The following SLC71A2 variants were observed in gnomAD, a reference collection of about 807,000 sequenced individuals.
SLC71A2 encodes the protein solute carrier family 71 member 2.
chr9:94,396,255 C>T, the SLC71A2 span, among the ~76,000 whole-genome samples: 1 of 150,806 alleles, frequency 6.6e-6, no homozygotes, highest in Non-Finnish European at 1.5e-5. Flanking sequence ...GTGGCTCACA[C>T]CTGTAATCCT....
chr9:94,386,739 A>G, the SLC71A2 span, among the ~76,000 whole-genome samples: 1 of 152,092 alleles, frequency 6.6e-6, no homozygotes, highest in Non-Finnish European at 1.5e-5. Context: ...AAGCTGGGAT[A>G]ATAGTACAGC....
At chr9:94,459,898 C>CTTT in the SLC71A2 span, 1 of 156,320 alleles carries the variant, frequency 6.4e-6, no homozygotes, top group Non-Finnish European at 1.4e-5. Context: ...AGTGGCCACT[C>CTTT]TTAAAGAGTC....
chr9:94,414,162 C>T, the SLC71A2 span, among the ~76,000 whole-genome samples: 1 of 152,146 alleles, frequency 6.6e-6, no homozygotes, highest in Non-Finnish European at 1.5e-5. Context: ...CAATTTGTAG[C>T]TCTTTGTTTT....
chr9:94,444,876 A>G, the SLC71A2 span: 1 of 1,222,154 alleles, frequency 8.2e-7, no homozygotes, highest in Non-Finnish European at 1.2e-6. Context: ...GAAGGTGTGC[A>G]CCTGCAGCAG....
At chr9:94,457,470 C>T in the SLC71A2 span, among the ~76,000 whole-genome samples, 82 of 149,082 alleles carry the variant, frequency 5.5e-4, no homozygotes, top group South Asian at 0.011. Context: ...TTTTCTATAT[C>T]AGAAGTTAGG....
chr9:94,460,972 G>C, the SLC71A2 span: 2 of 151,756 alleles, frequency 1.3e-5, no homozygotes, highest in Non-Finnish European at 2.9e-5. Context: ...TGGGTTCTCT[G>C]TTGGGTGGCT....
At chr9:94,444,813 G>GA in the SLC71A2 span, 12 of 639,044 alleles carry the variant, frequency 1.9e-5, no homozygotes, top group African/African-American at 2.2e-4. Flanking sequence ...TAAAGCCAGG[G>GA]AAGCATGGCT....
chr9:94,451,045 C>A, the SLC71A2 span, among the ~76,000 whole-genome samples: 1 of 152,104 alleles, frequency 6.6e-6, no homozygotes, highest in African/African-American at 2.4e-5. Context: ...TTGTCTTTTG[C>A]TTACATCATG....
At chr9:94,396,360 C>G in the SLC71A2 span, among the ~76,000 whole-genome samples, 5 of 152,076 alleles carry the variant, frequency 3.3e-5, no homozygotes, top group African/African-American at 1.2e-4. Context: ...TACTAAAATA[C>G]AAAAATTAGC....
the SLC71A2 span, among the ~76,000 whole-genome samples, chr9:94,437,610 T>G: frequency 6.6e-6 from 1 of 152,024 alleles, no homozygotes; most frequent in Non-Finnish European, 1.5e-5. Flanking sequence ...AGTTTTCTTT[T>G]GATCATTAAG....
the SLC71A2 span, chr9:94,459,390 G>C: frequency 8.1e-6 from 13 of 1,613,858 alleles, no homozygotes; most frequent in Non-Finnish European, 1.1e-5. Flanking sequence ...GAGGAGCCTG[G>C]GAATCAGTGC....
the SLC71A2 span, among the ~76,000 whole-genome samples, chr9:94,392,074 C>T: frequency 1.3e-5 from 2 of 151,262 alleles, no homozygotes; most frequent in Admixed American, 1.3e-4. Context: ...GTGAGAAAAT[C>T]TAGAGAGAGG....
chr9:94,401,088 CT>C, the SLC71A2 span, among the ~76,000 whole-genome samples: 255 of 144,498 alleles, frequency 1.8e-3, no homozygotes, highest in East Asian at 0.01. Context: ...TTTTCTTTTC[CT>C]TTTTTTTTTT....
the SLC71A2 span, among the ~76,000 whole-genome samples, chr9:94,399,651 G>A: frequency 6.6e-6 from 1 of 152,064 alleles, no homozygotes; most frequent in East Asian, 1.9e-4. Context: ...CAGCATACAT[G>A]GTTCCAGAAT....
At chr9:94,374,534 GTC>G in the SLC71A2 span, 1 of 152,368 alleles carries the variant, frequency 6.6e-6, no homozygotes, top group African/African-American at 2.4e-5. Context: ...GCGGGGCACA[GTC>G]TCTTAACCGT....
the SLC71A2 span, chr9:94,374,906 G>T: frequency 7.9e-7 from 1 of 1,267,380 alleles, no homozygotes; most frequent in South Asian, 2.6e-5. Flanking sequence ...GCGCGGGCGC[G>T]CAGGCCGCGG....
chr9:94,450,213 C>T, the SLC71A2 span, among the ~76,000 whole-genome samples: 3 of 152,160 alleles, frequency 2.0e-5, no homozygotes, highest in South Asian at 4.1e-4. Context: ...TAAATTCTAT[C>T]TTAATAAAGC....
chr9:94,457,399 T>C, the SLC71A2 span, among the ~76,000 whole-genome samples: 1 of 37,426 alleles, frequency 2.7e-5, no homozygotes, highest in Admixed American at 4.1e-4. Flanking sequence ...AAGAGCCCTT[T>C]TTTTTAAAAG....
the SLC71A2 span, chr9:94,441,141 A>AT: frequency 7.2e-6 from 8 of 1,106,792 alleles, 1 homozygote; most frequent in East Asian, 2.0e-4. Context: ...CAGAATAGTA[A>AT]TTAACATTGT....
Sources: allele counts gnomAD v4.1 joint callset (sites outside exome capture counted in the v4.1 genomes callset), GRCh38; gene constraint gnomAD v4.1.1; transcripts MANE v1.5; gene names NCBI Gene and HGNC (gene_info 2026-07-23, HGNC 2026-07-21).